Variants in RIPOR3 observed in about 807,000 individuals in gnomAD.
RIPOR3 encodes RIPOR family member 3, also known as family with sequence similarity 65 member C.
RIPOR3 carries 95 observed loss-of-function variants against 114.3 expected under a neutral mutation model. The observed-to-expected ratio is 0.83, with a 90% confidence interval of 0.70 to 0.99. The LOEUF (loss-of-function observed/expected upper bound fraction) is 0.99. Ranked by LOEUF, RIPOR3 falls within the 50% of genes least tolerant of loss-of-function variation. RIPOR3 has a pLI of 0.00. For synonymous variants in RIPOR3, 575 were observed against 543.8 expected, an observed-to-expected ratio of 1.06 and a Z score of -0.80; for missense variants, 1,252 against 1,266.9, an observed-to-expected ratio of 0.99 and a Z score of 0.18.
intron 17 of RIPOR3, 51 bp downstream of exon 17, chr20:50,594,502 C>T (rs779320801): frequency 3.2e-6 from 5 of 1,581,460 alleles, no homozygotes; most frequent in Non-Finnish European, 3.5e-6. Context: ...GCCCTGGAGA[C>T]TCAATACAGC....
intron 1 of RIPOR3, among the ~76,000 whole-genome samples, chr20:50,681,812 T>G (rs1000930656): frequency 9.9e-5 from 15 of 152,182 alleles, no homozygotes; most frequent in African/African-American, 2.9e-4. Flanking sequence ...TGTTCCTTTC[T>G]GTAGCACAGC....
chr20:50,629,717 C>T (rs1248452165), intron 2 of RIPOR3, among the ~76,000 whole-genome samples: 1 of 152,214 alleles, frequency 6.6e-6, no homozygotes, highest in Non-Finnish European at 1.5e-5. Flanking sequence ...TCCTTCCCGA[C>T]AGCCCCGTGA....
At chr20:50,611,030 A>T in intron 5 of RIPOR3, 124 bp from the exon 6 acceptor site, 1 of 589,164 alleles carries the variant, frequency 1.7e-6, no homozygotes. Flanking sequence ...TCCCTGAGGA[A>T]GGCTCATCGC....
intron 1 of RIPOR3, among the ~76,000 whole-genome samples, chr20:50,672,816 G>A (rs1181515882): frequency 6.6e-6 from 1 of 152,204 alleles, no homozygotes; most frequent in East Asian, 1.9e-4. Context: ...TGCCCATAGA[G>A]GCGCACACCT....
intron 1 of RIPOR3, among the ~76,000 whole-genome samples, chr20:50,647,829 A>G (rs2085467112): frequency 1.3e-5 from 2 of 151,990 alleles, no homozygotes. Flanking sequence ...ATCCTCTTTG[A>G]GCCTCCAGTT....
At chr20:50,681,006 T>C (rs534934165) in intron 1 of RIPOR3, among the ~76,000 whole-genome samples, 20 of 152,044 alleles carry the variant, frequency 1.3e-4, no homozygotes, top group Non-Finnish European at 2.4e-4. Context: ...GGTGAATCTA[T>C]TTCAGCTCAG....
At chr20:50,614,264 G>A (rs1430533994) in intron 4 of RIPOR3, among the ~76,000 whole-genome samples, 2 of 152,152 alleles carry the variant, frequency 1.3e-5, no homozygotes, top group East Asian at 3.9e-4. Flanking sequence ...TCAAACTCCT[G>A]ATCTCGAGTG....
intron 4 of RIPOR3, among the ~76,000 whole-genome samples, chr20:50,615,590 G>C (rs942485087): frequency 1.3e-5 from 2 of 151,728 alleles, no homozygotes; most frequent in Non-Finnish European, 2.9e-5. Flanking sequence ...TGTCAGCTGG[G>C]CATTGAAGGA....
chr20:50,660,830 C>G (rs2085968833), intron 1 of RIPOR3, among the ~76,000 whole-genome samples: 1 of 141,682 alleles, frequency 7.1e-6, no homozygotes, highest in South Asian at 2.3e-4. Context: ...ACACAGCTCA[C>G]TGTAGGCTCG....
chr20:50,631,688 C>G (rs1057021925), intron 1 of RIPOR3, among the ~76,000 whole-genome samples: 6 of 152,190 alleles, frequency 3.9e-5, no homozygotes, highest in Non-Finnish European at 8.8e-5. Flanking sequence ...GCTTCCACCC[C>G]GATCCATTGC....
In RIPOR3 at chr20:50,586,812, A is replaced by T. The variant is rs888682114; in HGVS notation, c.*420T>A. 5.9e-6 allele frequency: 1 copy of T among 169,502 alleles called. No homozygotes were observed. Among genetic ancestry groups the T allele is most frequent in the African/African-American group, 2.4e-5 (1 of 42,008 alleles). 10.5% of individuals were successfully genotyped at this position (169,502 alleles called of 1,614,324 possible). Reference sequence around the variant, plus strand: ...CCTGCTGCATCCCCAGTGCCTCTTGACGCAGAAGTGCCGAGCAGCTGACCG... The same window carrying T: ...CCTGCTGCATCCCCAGTGCCTCTTGTCGCAGAAGTGCCGAGCAGCTGACCG... On this transcript the variant is annotated 3_prime_UTR_variant, in exon 22 of 22. Coordinates refer to ENST00000327979, the MANE Select transcript of RIPOR3 (RefSeq NM_001290268.2).
chr20:50,657,889 C>T (rs2085866151), intron 1 of RIPOR3, among the ~76,000 whole-genome samples: 1 of 151,152 alleles, frequency 6.6e-6, no homozygotes, highest in African/African-American at 2.4e-5. Context: ...TCTTAAGTAG[C>T]TAGGACTCCA....
At chr20:50,688,984 C>T (rs899563584) in intron 1 of RIPOR3, among the ~76,000 whole-genome samples, 3 of 152,084 alleles carry the variant, frequency 2.0e-5, no homozygotes, top group East Asian at 1.9e-4. Flanking sequence ...AATCATGATA[C>T]GCTTTCAACA....
intron 1 of RIPOR3, among the ~76,000 whole-genome samples, chr20:50,633,309 C>G (rs2084880072): frequency 6.6e-6 from 1 of 152,072 alleles, no homozygotes; most frequent in Admixed American, 6.6e-5. Context: ...GTTAAATGTT[C>G]AGGAATTTTG....
intron 20 of RIPOR3, 77 bp from the exon 21 acceptor site, chr20:50,587,969 AGGG>A: frequency 1.4e-6 from 2 of 1,395,226 alleles, no homozygotes; most frequent in Middle Eastern, 3.6e-4. Flanking sequence ...GTGGCCCTGC[AGGG>A]CCAGTCCTAG....
chr20:50,633,977 TTTC>T (rs1393535157), intron 1 of RIPOR3, among the ~76,000 whole-genome samples: 9 of 131,904 alleles, frequency 6.8e-5, no homozygotes, highest in African/African-American at 3.0e-4. Flanking sequence ...CTTTCTTTCT[TTTC>T]TTTTTTTTTT....
chr20:50,587,415 T>C (rs2082955981), intron 21 of RIPOR3, 83 bp from the exon 22 acceptor site: 4 of 1,175,930 alleles, frequency 3.4e-6, no homozygotes, highest in Admixed American at 1.7e-5. Flanking sequence ...GCCCTAGTGC[T>C]TAGTGACTGT....
intron 19 of RIPOR3, 157 bp from the exon 20 acceptor site, chr20:50,589,926 G>A: frequency 1.6e-6 from 1 of 643,292 alleles, no homozygotes. Flanking sequence ...TGGGCCCTGT[G>A]TACACAGTCA....
chr20:50,628,518 C>T (rs1568889600), intron 2 of RIPOR3, among the ~76,000 whole-genome samples: 2 of 152,064 alleles, frequency 1.3e-5, no homozygotes, highest in African/African-American at 2.4e-5. Flanking sequence ...CATCTGCACA[C>T]GCGCAGATCC....
Sources: allele counts gnomAD v4.1 joint callset (sites outside exome capture counted in the v4.1 genomes callset), GRCh38; gene constraint gnomAD v4.1.1; transcripts MANE v1.5; gene names NCBI Gene and HGNC (gene_info 2026-07-23, HGNC 2026-07-21).